TRPM3: variants seen among roughly 807,000 people sequenced by gnomAD.
TRPM3 encodes the protein long transient receptor potential channel 3.
In TRPM3, 77 loss-of-function variants were observed where a neutral mutation model predicts 181.2. The ratio of observed to expected loss-of-function variants is 0.42; its 90% CI spans 0.35 to 0.51. The LOEUF (loss-of-function observed/expected upper bound fraction) is 0.51. Ranked by LOEUF, TRPM3 falls within the 20% of genes least tolerant of loss-of-function variation. The pLI is 0.01. For missense variants in TRPM3, 1,759 were observed against 2,196.7 expected (o/e 0.80, Z 3.98); for synonymous variants, 745 against 796.4 (o/e 0.94, Z 1.09).
chr9:70,865,346 T>C (rs1475345064), intron 1 of TRPM3: 1 of 152,078 alleles, frequency 6.6e-6, no homozygotes, highest in Non-Finnish European at 1.5e-5. Context: ...TTTACCAGCA[T>C]TTGCAATGGC....
At chr9:71,004,901 C>T (rs1377458304) in intron 1 of TRPM3, among the ~76,000 whole-genome samples, 4 of 151,986 alleles carry the variant, frequency 2.6e-5, no homozygotes, top group Non-Finnish European at 4.4e-5. Flanking sequence ...GAAGATAAAA[C>T]ATATGAAATT....
At chr9:71,199,791 C>A (rs1159510840) in intron 1 of TRPM3, among the ~76,000 whole-genome samples, 2 of 151,638 alleles carry the variant, frequency 1.3e-5, no homozygotes, top group Non-Finnish European at 2.9e-5. Flanking sequence ...TGCTAGCAGT[C>A]TATCAATTTT....
chr9:70,672,188 T>C (rs1027527132), intron 9 of TRPM3, among the ~76,000 whole-genome samples: 26 of 152,192 alleles, frequency 1.7e-4, no homozygotes, highest in African/African-American at 5.6e-4. Context: ...CCATCTCTCA[T>C]TCCACAGTCA....
intron 1 of TRPM3, among the ~76,000 whole-genome samples, chr9:71,181,844 G>T (rs908282025): frequency 2.0e-5 from 3 of 152,070 alleles, no homozygotes; most frequent in South Asian, 2.1e-4. Context: ...AATACCACAT[G>T]AAGTTATCCT....
intron 8 of TRPM3, among the ~76,000 whole-genome samples, chr9:70,746,790 G>T (rs1252684389): frequency 1.3e-5 from 2 of 152,130 alleles, no homozygotes; most frequent in African/African-American, 2.4e-5. Flanking sequence ...TAAAGCTGAG[G>T]ATCCCAGGGC....
chr9:70,949,526 C>A (rs1160570525), intron 1 of TRPM3, among the ~76,000 whole-genome samples: 1 of 151,772 alleles, frequency 6.6e-6, no homozygotes, highest in Non-Finnish European at 1.5e-5. Context: ...CTCCCCCATG[C>A]AGGGGAGTTT....
At chr9:70,937,746 T>C (rs1352162559) in intron 1 of TRPM3, among the ~76,000 whole-genome samples, 1 of 152,040 alleles carries the variant, frequency 6.6e-6, no homozygotes, top group East Asian at 1.9e-4. Flanking sequence ...CTTGAACTCC[T>C]TTTTCAAACA....
At chr9:70,966,687 A>T (rs2097188776) in intron 1 of TRPM3, among the ~76,000 whole-genome samples, 1 of 152,148 alleles carries the variant, frequency 6.6e-6, no homozygotes. Context: ...TGGGAGCTAA[A>T]TGATGAGAAC....
At chr9:71,010,932 TACACACACACAC>T (rs60869396) in intron 1 of TRPM3, among the ~76,000 whole-genome samples, 11 of 147,092 alleles carry the variant, frequency 7.5e-5, no homozygotes, top group South Asian at 6.4e-4. Context: ...CACACACACA[TACACACACACAC>T]ACACACACAC....
chr9:70,823,407 C>G (rs913078820), intron 6 of TRPM3, among the ~76,000 whole-genome samples: 2 of 152,060 alleles, frequency 1.3e-5, no homozygotes, highest in Non-Finnish European at 2.9e-5. Context: ...AGCTTTCCCC[C>G]GCTCCTCACT....
At chr9:70,680,069 G>A (rs2065041640) in intron 9 of TRPM3, among the ~76,000 whole-genome samples, 1 of 152,172 alleles carries the variant, frequency 6.6e-6, no homozygotes, top group African/African-American at 2.4e-5. Flanking sequence ...TCGCAATCAG[G>A]ATTTTGAATG....
chr9:71,087,490 A>G (rs1186229376), intron 1 of TRPM3, among the ~76,000 whole-genome samples: 1 of 152,002 alleles, frequency 6.6e-6, no homozygotes, highest in African/African-American at 2.4e-5. Flanking sequence ...ATTTCCATTT[A>G]TGTCTGTTCT....
intron 1 of TRPM3, among the ~76,000 whole-genome samples, chr9:71,277,057 A>G (rs2084270613): frequency 6.6e-6 from 1 of 152,258 alleles, no homozygotes; most frequent in African/African-American, 2.4e-5. Context: ...AAGAATTCAT[A>G]CAATGTGATC....
At chr9:71,346,521 G>C (rs1412414635) in intron 1 of TRPM3, among the ~76,000 whole-genome samples, 1 of 152,136 alleles carries the variant, frequency 6.6e-6, no homozygotes, top group Admixed American at 6.5e-5. Context: ...CTTTGCAAGG[G>C]AGCTAGTGTC....
chr9:70,640,803 C>T, intron 9 of TRPM3, 143 bp from the exon 10 acceptor site: 1 of 592,196 alleles, frequency 1.7e-6, no homozygotes, highest in East Asian at 2.8e-5. Context: ...GTTTCTCAAA[C>T]TTGGTATTAT....
intron 6 of TRPM3, among the ~76,000 whole-genome samples, chr9:70,792,475 GAGAA>G (rs1466435621): frequency 1.3e-5 from 2 of 151,728 alleles, no homozygotes; most frequent in East Asian, 3.9e-4. Context: ...GGAGAGAAAA[GAGAA>G]AGAATCTATG....
chr9:70,590,999 C>T (rs770349578), intron 22 of TRPM3, 32 bp downstream of exon 22: 1 of 1,613,942 alleles, frequency 6.2e-7, no homozygotes, highest in Non-Finnish European at 8.5e-7. Flanking sequence ...AAATACCTGA[C>T]TTTGGTGTAT....
intron 24 of TRPM3, among the ~76,000 whole-genome samples, chr9:70,550,965 G>A (rs547606334): frequency 6.6e-6 from 1 of 152,262 alleles, no homozygotes; most frequent in Admixed American, 6.5e-5. Flanking sequence ...AAGAAAAGAG[G>A]CAGTTTAGAG....
chr9:71,344,764 A>C (rs905745360), intron 1 of TRPM3, among the ~76,000 whole-genome samples: 1 of 152,206 alleles, frequency 6.6e-6, no homozygotes, highest in Admixed American at 6.5e-5. Context: ...GCTTCTGCTC[A>C]TCACATAACA....
Sources: gnomAD v4.1 joint callset for allele counts (sites outside exome capture counted in the v4.1 genomes callset) on GRCh38, gnomAD v4.1.1 for gene constraint, MANE v1.5 for transcripts, NCBI Gene and HGNC (gene_info 2026-07-23, HGNC 2026-07-21) for gene names.